The following PLEKHG4B variants were observed in gnomAD, a reference collection of about 807,000 sequenced individuals.
PLEKHG4B encodes the protein pleckstrin homology and RhoGEF domain containing G4B.
In PLEKHG4B, 111 loss-of-function variants were observed where a neutral mutation model predicts 121.3. The observed-to-expected ratio is 0.92, with a 90% CI of 0.78 to 1.07. PLEKHG4B has a LOEUF of 1.07. Ranked by LOEUF, PLEKHG4B falls within the 50% of genes least tolerant of loss-of-function variation. PLEKHG4B has a pLI of 0.00. For missense variants in PLEKHG4B, 1,831 were observed against 1,757.8 expected (o/e 1.04, Z -0.74); for synonymous variants, 738 against 725.0 (o/e 1.02, Z -0.29).
intron 18 of PLEKHG4B, among the ~76,000 whole-genome samples, chr5:174,781 G>A (rs1163394594): frequency 3.3e-5 from 5 of 152,070 alleles, no homozygotes; most frequent in Non-Finnish European, 5.9e-5. Context: ...AATAGCCAAG[G>A]GTCTTCTGTC....
chr5:164,589 G>GCT lies in PLEKHG4B; in HGVS notation c.3476+1042_3476+1043dup, dbSNP rs1736195152. 2.3e-5 allele frequency among the ~76,000 whole-genome samples: 2 copies of GCT among 87,158 alleles called. 1 individual carries two copies. Among genetic ancestry groups the GCT allele is most frequent in the Non-Finnish European group, 4.6e-5 (2 of 43,122 alleles). The allele number at this position is 87,158 out of a possible 152,430, so 57.2% of individuals were successfully genotyped here. A position where few individuals can be genotyped will look rare whatever the true frequency, so the allele number is the denominator to read the frequency against. Reference sequence around the variant, plus strand: ...CAGGGGGCGGAGCTCACACAGTAATGCTGTGACGGAGCGGAGCTCACAGTA... The same window carrying GCT: ...CAGGGGGCGGAGCTCACACAGTAATGCTCTGTGACGGAGCGGAGCTCACAGTA... On this transcript the variant is annotated intron_variant, in intron 13 of 19. Coordinates refer to ENST00000637938, the MANE Select transcript of PLEKHG4B (RefSeq NM_052909.5).
At chr5:160,888 T>C (rs1735979127) in intron 11 of PLEKHG4B, among the ~76,000 whole-genome samples, 1 of 152,196 alleles carries the variant, frequency 6.6e-6, no homozygotes, top group South Asian at 2.1e-4. Context: ...CTGCCCGTGC[T>C]CCTAAGAATC....
At position 157,082 on chromosome 5, in the gene PLEKHG4B, ATTTTAT is replaced by A; in HGVS notation, c.2487+176_2487+181del. Reference sequence around the variant, plus strand: ...TTGCTGCTTGTGTAAAAAGAAATAAATTTTATTTTTTACGTGAGAGATACTGGATCA... The same window carrying A: ...TTGCTGCTTGTGTAAAAAGAAATAAATTTTTACGTGAGAGATACTGGATCA... On this transcript the variant is annotated intron_variant, in intron 11 of 19. Coordinates refer to ENST00000637938, the MANE Select transcript of PLEKHG4B (RefSeq NM_052909.5). The surrounding 1 kb of genome is among the most constrained non-coding windows in gnomAD (Gnocchi z 4.6). 2 of 1,036,312 alleles carry A rather than the reference ATTTTAT, an allele frequency of 1.9e-6. No homozygotes were observed. The highest frequency in any genetic ancestry group is 2.8e-6 in the Non-Finnish European group (2 of 705,604). The allele number at this position is 1,036,312 out of a possible 1,614,324, so 64.2% of individuals were successfully genotyped here.
chr5:156,066 T>A lies in PLEKHG4B; in HGVS notation c.2209-5T>A, dbSNP rs370199798. ...TAAAGGCTTATTCCTCCCCATCCCGTGCAGGAAGTCGCCGAGTTAATTGAC... is the reference window on the plus strand; with the variant it reads ...TAAAGGCTTATTCCTCCCCATCCCGAGCAGGAAGTCGCCGAGTTAATTGAC... On this transcript the variant is annotated splice_polypyrimidine_tract_variant and splice_region_variant and intron_variant, in intron 9 of 19. Transcript: ENST00000637938. This position sits in a 1 kb window ranked among gnomAD's most constrained non-coding sequence, Gnocchi z 4.4. The A allele has an allele frequency of 7.6e-6, 12 of 1,576,920 alleles. No individual in the cohort carries two copies. Among genetic ancestry groups the A allele is most frequent in the Middle Eastern group, 3.4e-4 (2 of 5,892 alleles).
intron 8 of PLEKHG4B, 149 bp from the exon 9 acceptor site, chr5:155,196 G>A (rs1292096789): frequency 1.7e-5 from 14 of 840,348 alleles, no homozygotes; most frequent in South Asian, 3.2e-5. Flanking sequence ...CTGCCGCCCC[G>A]GAAGTGTCTG....
At position 119,985 on chromosome 5, in the gene PLEKHG4B, C is replaced by T. The variant is rs918455789; in HGVS notation, c.243+6537C>T. On this transcript the variant is annotated intron_variant, in intron 2 of 19. Transcript: ENST00000637938. ...TGGGCTGGGTGCACTGGCATTATCA[C>T]GCCTGTAATCCCAGCACTTTGCAAG... 5.3e-5 allele frequency among the ~76,000 whole-genome samples: 8 copies of T among 152,316 alleles called. No homozygotes were observed. In the East Asian group the frequency reaches 9.6e-4, roughly 18 times the overall value.
chr5:115,128 C>G lies in PLEKHG4B; in HGVS notation c.243+1680C>G, dbSNP rs145749665. Among the ~76,000 whole-genome samples the G allele has an allele frequency of 2.5e-3, 374 of 152,354 alleles. 3 individuals carry two copies. The highest frequency in any genetic ancestry group is 8.4e-3 in the African/African-American group (351 of 41,582). On this transcript the variant is annotated intron_variant, in intron 2 of 19. Coordinates refer to ENST00000637938, the MANE Select transcript of PLEKHG4B (RefSeq NM_052909.5). ...TAAAAAGACTTGAAAGTCAAAATTA[C>G]TCTTGAGCCATAGGCTGCAGAATGG...
chr5:165,247 C>G (rs1363951839), intron 13 of PLEKHG4B, among the ~76,000 whole-genome samples: 6 of 30,876 alleles, frequency 1.9e-4, no homozygotes, highest in African/African-American at 5.3e-4. Flanking sequence ...CACTAATGCT[C>G]TGACGGGGCG....
intron 11 of PLEKHG4B, among the ~76,000 whole-genome samples, chr5:160,474 C>T (rs187851633): frequency 1.5e-3 from 224 of 152,218 alleles, no homozygotes; most frequent in Non-Finnish European, 7.6e-4. Flanking sequence ...AGCCCCTAAA[C>T]AGTGTGCCCT....
rs1308952706 is a variant in PLEKHG4B at position 110,111 on chromosome 5, C to T, written c.46-3140C>T. ...ACACACCTGTACAATCTGCAACACA[C>T]GTGCACGCACCCACACAGTCTGCAA... is the stretch of plus-strand genomic sequence containing the variant. On this transcript the variant is annotated intron_variant, in intron 1 of 19. Coordinates refer to ENST00000637938, the MANE Select transcript of PLEKHG4B (RefSeq NM_052909.5). Among the ~76,000 whole-genome samples the T allele has an allele frequency of 4.0e-5, 6 of 150,456 alleles. No homozygotes were observed. In the East Asian group the frequency reaches 8.0e-4, roughly 20 times the overall value.
rs781717427 is a variant in PLEKHG4B at position 183,979 on chromosome 5, A to AGATAGATCGATC, written c.*1663_*1664insCGATCGATAGAT. The AGATAGATCGATC allele has an allele frequency of 4.6e-4, 41 of 88,986 alleles. No individual in the cohort carries two copies. The highest frequency in any genetic ancestry group is 2.4e-3 in the African/African-American group (41 of 17,138). 5.5% of individuals were successfully genotyped at this position (88,986 alleles called of 1,614,324 possible). A position where few individuals can be genotyped will look rare whatever the true frequency, so the allele number is the denominator to read the frequency against. On this transcript the variant is annotated 3_prime_UTR_variant, in exon 20 of 20. Transcript: ENST00000637938. ...TAGATATATATACAGACAGATAGAT[A>AGATAGATCGATC]GATAGATAGATCGATAGATAGATAG...
At position 140,112 on chromosome 5, in the gene PLEKHG4B, C is replaced by G; in HGVS notation, c.873C>G (p.Val291=). Residue 291 remains valine (V), a synonymous_variant, in exon 3 of 20, where the codon GTC becomes GTG. Transcript: ENST00000637938. The part of the protein sequence containing the change: ...SGSSDRDFEK[V]SPSEQGPRMP... ...GCTCAGACAGGGACTTCGAAAAGGT[C>G]AGCCCCTCAGAGCAGGGCCCACGGA... 1.9e-6 allele frequency: 1 copy of G among 523,140 alleles called. No homozygotes were observed. The highest frequency in any genetic ancestry group is 3.3e-6 in the Non-Finnish European group (1 of 303,990). The allele number at this position is 523,140 out of a possible 1,614,324, so 32.4% of individuals were successfully genotyped here. A position where few individuals can be genotyped will look rare whatever the true frequency, so the allele number is the denominator to read the frequency against.
At chr5:102,852 G>A (rs575881442) in intron 1 of PLEKHG4B, among the ~76,000 whole-genome samples, 2 of 152,346 alleles carry the variant, frequency 1.3e-5, no homozygotes, top group East Asian at 3.9e-4. Flanking sequence ...TTGGGGCCCT[G>A]CCTGGGCGAC....
At chr5:116,396 G>T (rs1734308574) in intron 2 of PLEKHG4B, among the ~76,000 whole-genome samples, 1 of 152,166 alleles carries the variant, frequency 6.6e-6, no homozygotes, top group African/African-American at 2.4e-5. Flanking sequence ...TTGAAATATT[G>T]TGAGAATTAC....
At chr5:155,127 G>T (rs367862079) in intron 8 of PLEKHG4B, 136 bp downstream of exon 8, 4 of 895,830 alleles carry the variant, frequency 4.5e-6, no homozygotes, top group Non-Finnish European at 7.0e-6. Context: ...TCAGGTCTTC[G>T]TGTCTACACA....
In PLEKHG4B at chr5:139,425, T is replaced by C. The variant is rs6880135; in HGVS notation, c.244-58T>C. 0.16 allele frequency: 64,222 copies of C among 398,712 alleles called. 8,199 individuals carry two copies. Among genetic ancestry groups the C allele is most frequent in the African/African-American group, 0.47 (22,833 of 48,656 alleles). 24.7% of individuals were successfully genotyped at this position (398,712 alleles called of 1,614,324 possible). On this transcript the variant is annotated intron_variant, in intron 2 of 19. Transcript: ENST00000637938. The surrounding 1 kb of genome is among the most constrained non-coding windows in gnomAD (Gnocchi z 5.0). ...CCCTGAGGGGTGGAGACCCAGGGCA[T>C]GGAAGGGCTCAGGACATGGCCGTGC...
chr5:187,744 C>G lies in PLEKHG4B; in HGVS notation c.*5421C>G, dbSNP rs80104131. 6.6e-6 allele frequency: 1 copy of G among 152,324 alleles called. No individual in the cohort carries two copies. Among genetic ancestry groups the G allele is most frequent in the African/African-American group, 2.4e-5 (1 of 41,424 alleles). The allele number at this position is 152,324 out of a possible 1,614,324, so 9.4% of individuals were successfully genotyped here. A position where few individuals can be genotyped will look rare whatever the true frequency, so the allele number is the denominator to read the frequency against. ...TGAAGCAACAGCTCGCCTGGCCCCA[C>G]CCCCATCAAGCATCTGCTGGGCAGC... On this transcript the variant is annotated 3_prime_UTR_variant, in exon 20 of 20. Transcript: ENST00000637938.
At chr5:179,928 C>T (rs1191391619) in intron 18 of PLEKHG4B, among the ~76,000 whole-genome samples, 1 of 151,956 alleles carries the variant, frequency 6.6e-6, no homozygotes, top group East Asian at 1.9e-4. Flanking sequence ...TGTTTGATTC[C>T]TTTTATTTGA....
At chr5:143,854 G>A (rs1162725658) in intron 5 of PLEKHG4B, among the ~76,000 whole-genome samples, 2 of 152,232 alleles carry the variant, frequency 1.3e-5, no homozygotes, top group African/African-American at 4.8e-5. Context: ...CAAGAGTGCT[G>A]TAAGATCAGT....
Sources: allele counts gnomAD v4.1 joint callset (sites outside exome capture counted in the v4.1 genomes callset), GRCh38; gene constraint gnomAD v4.1.1; non-coding constraint Gnocchi (gnomAD v3.1); transcripts MANE v1.5; gene names NCBI Gene and HGNC (gene_info 2026-07-23, HGNC 2026-07-21).